The following HOXB13 variants were observed in gnomAD, a reference collection of about 807,000 sequenced individuals.
The protein encoded by HOXB13 is homeobox B13.
In HOXB13, 22 loss-of-function variants were observed where a neutral mutation model predicts 23.1. The observed-to-expected ratio is 0.95, with a 90% CI of 0.68 to 1.36. The LOEUF (loss-of-function observed/expected upper bound fraction) is 1.36. Ranked by LOEUF, HOXB13 falls within the 40% of genes most tolerant of loss-of-function variation. The probability of loss-of-function intolerance (pLI) is 0.00; values close to 1 mark genes in which losing one functional copy is unlikely to be tolerated. For synonymous variants in HOXB13, 173 were observed against 157.9 expected (o/e 1.10, Z -0.72); for missense variants, 386 against 376.2 (o/e 1.03, Z -0.22).
At position 48,726,761 on chromosome 17, in the gene HOXB13, C is replaced by A. The variant is rs1333372673; in HGVS notation, c.*29G>T. ...GGTCTCCCCAGGACACCCCCACTTT[C>A]GCTCCTCCCACCCAGGCAAGGAGAT... On this transcript the variant is annotated 3_prime_UTR_variant, in exon 2 of 2. Coordinates refer to ENST00000290295, the MANE Select transcript of HOXB13 (RefSeq NM_006361.6). The A allele has an allele frequency of 6.2e-6, 10 of 1,609,304 alleles. No individual in the cohort carries two copies. The highest frequency in any genetic ancestry group is 1.3e-5 in the African/African-American group (1 of 74,896).
rs1025512617 is a variant in HOXB13 at position 48,724,834 on chromosome 17, G to A, written c.*1956C>T. On this transcript the variant is annotated 3_prime_UTR_variant, in exon 2 of 2. Transcript: ENST00000290295. ...TCAAGTTTAAGTTTCTGATAGCAGA[G>A]TGTGGGAGTTAGAGCATGGGGAGTC... 2.0e-6 allele frequency: 1 copy of A among 500,564 alleles called. No homozygotes were observed. Among genetic ancestry groups the A allele is most frequent in the African/African-American group, 2.0e-5 (1 of 50,404 alleles). 31.0% of individuals were successfully genotyped at this position (500,564 alleles called of 1,614,324 possible). A position where few individuals can be genotyped will look rare whatever the true frequency, so the allele number is the denominator to read the frequency against.
Position 48,728,504 on chromosome 17 carries a change from GT to G in HOXB13, c.89del (p.His30ProfsTer4). ...CCGCTGGGTGGCTGGTCAGAGGGGA[GT>G]GGGCGACCAGATTCCGCCCCCCTCC... ...GAGGGRNLVA[H>X]SPLTSHPAAP... On this transcript the variant is annotated frameshift_variant, in exon 1 of 2. Coordinates refer to ENST00000290295, the MANE Select transcript of HOXB13 (RefSeq NM_006361.6). LOFTEE classifies it high-confidence loss of function. 6.2e-7 allele frequency: 1 copy of G among 1,613,474 alleles called. No homozygotes were observed. The highest frequency in any genetic ancestry group is 8.5e-7 in the Non-Finnish European group (1 of 1,179,974).
chr17:48,724,870 A>G lies in HOXB13; in HGVS notation c.*1920T>C, dbSNP rs982665334. The stretch of plus-strand genomic sequence containing the variant: ...AGAGCATGGGGAGTCCAGAGGTTCC[A>G]GACCCCCAAAGGTCTCTACCAGGGC... On this transcript the variant is annotated 3_prime_UTR_variant, in exon 2 of 2. Transcript: ENST00000290295. The G allele has an allele frequency of 7.3e-6, 3 of 409,230 alleles. No homozygotes were observed. 25.3% of individuals were successfully genotyped at this position (409,230 alleles called of 1,614,324 possible).
intron 1 of HOXB13, 39 bp downstream of exon 1, chr17:48,727,954 C>G (rs369179727): frequency 8.2e-6 from 13 of 1,588,036 alleles, no homozygotes; most frequent in Non-Finnish European, 1.0e-5. Context: ...CCCACAACCC[C>G]AGGCTCAGAG....
In HOXB13 at chr17:48,728,086, G is replaced by A. The variant is rs1335165337; in HGVS notation, c.508C>T (p.Gln170Ter). 2 of 1,614,208 alleles carry A rather than the reference G, an allele frequency of 1.2e-6. No homozygotes were observed. Among genetic ancestry groups the A allele is most frequent in the Non-Finnish European group, 1.7e-6 (2 of 1,180,048 alleles). The change falls in exon 1 of 2, where the codon CAG becomes TAG. Residue 170 changes from glutamine (Q) to a stop codon, truncating the protein, a stop_gained. Coordinates refer to ENST00000290295, the MANE Select transcript of HOXB13 (RefSeq NM_006361.6). LOFTEE classifies it high-confidence loss of function. ...CAGCCACCAGCGAGAGCCCAAGACT[G>A]GTAACTGTCCACAGGCAACAGGGAG... ...HDSLLPVDSY[Q>*]SWALAGGWNS...
rs2143065206 is a variant in HOXB13, at chr17:48,726,814, C to G, written c.831G>C (p.Lys277Asn). Residue 277 changes from lysine to asparagine, a missense_variant, in exon 2 of 2, where the codon AAG becomes AAC. Coordinates refer to ENST00000290295, the MANE Select transcript of HOXB13 (RefSeq NM_006361.6). ...CTTAAGGGGTAGCGCTGTTCTTCAC[C>G]TTGGCGAGAACCTTCTTCTCTTTGA... is the stretch of plus-strand genomic sequence containing the variant. ...RRVKEKKVLA[K>N]VKNSATP 6.2e-7 allele frequency: 1 copy of G among 1,614,206 alleles called. No individual in the cohort carries two copies. The highest frequency in any genetic ancestry group is 2.2e-5 in the East Asian group (1 of 44,882).
Position 48,725,051 on chromosome 17 carries a change from G to T in HOXB13, c.*1739C>A. ...GCCAGTTCCGAAGTCGGCGAGGGAGGGGGTTTACTTGCCCGATCGTTGGTG... is the reference window on the plus strand; with the variant it reads ...GCCAGTTCCGAAGTCGGCGAGGGAGTGGGTTTACTTGCCCGATCGTTGGTG... On this transcript the variant is annotated 3_prime_UTR_variant, in exon 2 of 2. Coordinates refer to ENST00000290295, the MANE Select transcript of HOXB13 (RefSeq NM_006361.6). The T allele has an allele frequency of 5.7e-6, 1 of 176,140 alleles. No individual in the cohort carries two copies. The highest frequency in any genetic ancestry group is 2.4e-5 in the African/African-American group (1 of 42,520). The allele number at this position is 176,140 out of a possible 1,614,324, so 10.9% of individuals were successfully genotyped here.
rs962002005 is a variant in HOXB13, at chr17:48,727,880, A to C, written c.601+113T>G. On this transcript the variant is annotated intron_variant, in intron 1 of 1. Coordinates refer to ENST00000290295, the MANE Select transcript of HOXB13 (RefSeq NM_006361.6). ...GAGTCCTAATAACCAAGGGAGGAGC[A>C]CCAAGCTCATCCTCACCAGCTCCAA... The C allele has an allele frequency of 2.5e-5, 32 of 1,300,390 alleles. No individual in the cohort carries two copies. The African/African-American group carries it at 4.0e-4, about 16-fold the overall frequency. The allele number at this position is 1,300,390 out of a possible 1,614,324, so 80.6% of individuals were successfully genotyped here.
In HOXB13 at chr17:48,728,417, C is replaced by A. The variant is rs779780541; in HGVS notation, c.177G>T (p.Pro59=). 1.1e-5 allele frequency: 18 copies of A among 1,613,308 alleles called. No individual in the cohort carries two copies. Among genetic ancestry groups the A allele is most frequent in the Non-Finnish European group, 1.5e-5 (18 of 1,179,800 alleles). Residue 59 remains proline, a synonymous_variant, in exon 1 of 2, where the codon CCG becomes CCT. Transcript: ENST00000290295. ...CAGGGCATGGGTGGCATTGCTTTGG[C>A]GGCTCCGCCGAGCCTGGCAGATCCA... ...APLDLPGSAE[P]PKQCHPCPGV...
chr17:48,728,085 T>A lies in HOXB13; in HGVS notation c.509A>T (p.Gln170Leu). ...CCAGCCACCAGCGAGAGCCCAAGAC[T>A]GGTAACTGTCCACAGGCAACAGGGA... ...HDSLLPVDSY[Q>L]SWALAGGWNS... The change falls in exon 1 of 2, where the codon CAG becomes CTG. Residue 170 changes from glutamine to leucine, a missense_variant. Transcript: ENST00000290295. 1 of 1,614,100 alleles carries A rather than the reference T, an allele frequency of 6.2e-7. No homozygotes were observed. The highest frequency in any genetic ancestry group is 8.5e-7 in the Non-Finnish European group (1 of 1,180,028).
chr17:48,728,443 AG>A lies in HOXB13; in HGVS notation c.150del (p.Leu51TrpfsTer47), dbSNP rs1597935013. ...GGCTCCGCCGAGCCTGGCAGATCCA[AG>A]GGGGCATAGTTGACAGCAGGCATCA... is the stretch of plus-strand genomic sequence containing the variant. ...PTLMPAVNYA[P>X]LDLPGSAEPP... On this transcript the variant is annotated frameshift_variant, in exon 1 of 2. Coordinates refer to ENST00000290295, the MANE Select transcript of HOXB13 (RefSeq NM_006361.6). LOFTEE classifies it high-confidence loss of function. The A allele has an allele frequency of 6.2e-7, 1 of 1,613,184 alleles. No individual in the cohort carries two copies. Among genetic ancestry groups the A allele is most frequent in the Non-Finnish European group, 8.5e-7 (1 of 1,179,844 alleles).
At position 48,727,378 on chromosome 17, in the gene HOXB13, C is replaced by T. The variant is rs2411796; in HGVS notation, c.602-335G>A. On this transcript the variant is annotated intron_variant, in intron 1 of 1. Coordinates refer to ENST00000290295, the MANE Select transcript of HOXB13 (RefSeq NM_006361.6). ...TCTTCATGCATTTCCAGACTCTTGG[C>T]CACTCTTTTAGATTCTACAGGCAAA... Among the ~76,000 whole-genome samples the T allele has an allele frequency of 0.13, 19,241 of 152,010 alleles. 1,258 individuals are homozygous for T. The highest frequency in any genetic ancestry group is 0.15 in the Middle Eastern group (44 of 294).
rs1597932435 is a variant in HOXB13 at position 48,726,818 on chromosome 17, G to C, written c.827C>G (p.Ala276Gly). Residue 276 changes from alanine to glycine, a missense_variant, in exon 2 of 2, where the codon GCC becomes GGC. Coordinates refer to ENST00000290295, the MANE Select transcript of HOXB13 (RefSeq NM_006361.6). ...AGGGGTAGCGCTGTTCTTCACCTTG[G>C]CGAGAACCTTCTTCTCTTTGACCCG... ...NRRVKEKKVLAKVKNSATP is the reference protein window; with the variant it reads ...NRRVKEKKVLGKVKNSATP The C allele has an allele frequency of 1.2e-6, 2 of 1,614,140 alleles. No homozygotes were observed. Among genetic ancestry groups the C allele is most frequent in the South Asian group, 2.2e-5 (2 of 91,078 alleles).
At chr17:48,727,625 G>A (rs1000161662) in intron 1 of HOXB13, among the ~76,000 whole-genome samples, 5 of 152,124 alleles carry the variant, frequency 3.3e-5, no homozygotes, top group Non-Finnish European at 5.9e-5. Flanking sequence ...CCCACGCACC[G>A]AATTGAGAGT....
rs1290541379 is a variant in HOXB13 at position 48,728,501 on chromosome 17, G to A, written c.93C>T (p.Ser31=). The part of the protein sequence containing the change: ...AGGGRNLVAH[S]PLTSHPAAPT... ...GCGCCGCTGGGTGGCTGGTCAGAGG[G>A]GAGTGGGCGACCAGATTCCGCCCCC... The change falls in exon 1 of 2, where the codon TCC becomes TCT. Residue 31 remains serine (S), a synonymous_variant. Coordinates refer to ENST00000290295, the MANE Select transcript of HOXB13 (RefSeq NM_006361.6). 1.2e-6 allele frequency: 2 copies of A among 1,613,358 alleles called. No individual in the cohort carries two copies. Among genetic ancestry groups the A allele is most frequent in the African/African-American group, 1.3e-5 (1 of 74,942 alleles).
In HOXB13 at chr17:48,725,430, G is replaced by C. The variant is rs887002827; in HGVS notation, c.*1360C>G. 2 of 152,120 alleles carry C rather than the reference G, an allele frequency of 1.3e-5. No homozygotes were observed. The highest frequency in any genetic ancestry group is 4.8e-5 in the African/African-American group (2 of 41,408). The allele number at this position is 152,120 out of a possible 1,614,324, so 9.4% of individuals were successfully genotyped here. On this transcript the variant is annotated 3_prime_UTR_variant, in exon 2 of 2. Coordinates refer to ENST00000290295, the MANE Select transcript of HOXB13 (RefSeq NM_006361.6). ...AGGAGACAGGGCTAGGATCCCACCCGACCGCGGGCCATAAACACTTGGCTG... is the reference window on the plus strand; with the variant it reads ...AGGAGACAGGGCTAGGATCCCACCCCACCGCGGGCCATAAACACTTGGCTG...
Position 48,728,707 on chromosome 17 carries a change from C to T in HOXB13, c.-114G>A, listed in dbSNP as rs2038246078. On this transcript the variant is annotated 5_prime_UTR_variant, in exon 1 of 2. Transcript: ENST00000290295. ...AGCGTTTTAAATCGCTCCCAGCTCG[C>T]AAGTCGCCTGCATTCGCTCAGCACG... 1 of 1,026,060 alleles carries T rather than the reference C, an allele frequency of 9.7e-7. No individual in the cohort carries two copies. 63.6% of individuals were successfully genotyped at this position (1,026,060 alleles called of 1,614,324 possible).
rs1597934010 is a variant in HOXB13, at chr17:48,728,099, A to C, written c.495T>G (p.Pro165=). The change falls in exon 1 of 2, where the codon CCT becomes CCG. Residue 165 remains proline (P), a synonymous_variant. Coordinates refer to ENST00000290295, the MANE Select transcript of HOXB13 (RefSeq NM_006361.6). The part of the protein sequence containing the change: ...PGEPRHDSLL[P]VDSYQSWALA... ...GAGCCCAAGACTGGTAACTGTCCAC[A>C]GGCAACAGGGAGTCATGTCGCGGTT... The C allele has an allele frequency of 6.2e-7, 1 of 1,614,176 alleles. No individual in the cohort carries two copies.
intron 1 of HOXB13, 125 bp downstream of exon 1, chr17:48,727,868 C>G: frequency 8.3e-7 from 1 of 1,210,892 alleles, no homozygotes; most frequent in Non-Finnish European, 1.2e-6. Context: ...TCCTAATAAC[C>G]AAGGGAGGAG....
Sources: allele counts gnomAD v4.1 joint callset (sites outside exome capture counted in the v4.1 genomes callset), GRCh38; gene constraint gnomAD v4.1.1; transcripts MANE v1.5; gene names NCBI Gene and HGNC (gene_info 2026-07-23, HGNC 2026-07-21).